DLGAP1: variants seen among roughly 807,000 people sequenced by gnomAD.
DLGAP1 encodes disks large-associated protein 1.
DLGAP1 carries 11 observed loss-of-function variants against 90.8 expected under a neutral mutation model. The ratio of observed to expected loss-of-function variants is 0.12; its 90% CI spans 0.08 to 0.20. The LOEUF is 0.20. DLGAP1 is among the 10% of genes least tolerant of loss of function. The pLI, the probability that DLGAP1 is intolerant of heterozygous loss-of-function variation, is 1.00. For synonymous variants in DLGAP1, 558 were observed against 540.7 expected (o/e 1.03, Z -0.44); for missense variants, 1,050 against 1,333.8 (o/e 0.79, Z 3.31).
At chr18:4,117,729 G>A (rs2076085593) in intron 2 of DLGAP1, among the ~76,000 whole-genome samples, 1 of 152,134 alleles carries the variant, frequency 6.6e-6, no homozygotes, top group African/African-American at 2.4e-5. Context: ...CCATCACTCT[G>A]GAGAAGGCAC....
chr18:3,941,212 C>T (rs1038930799), intron 3 of DLGAP1, among the ~76,000 whole-genome samples: 38 of 152,182 alleles, frequency 2.5e-4, no homozygotes, highest in African/African-American at 8.7e-4. Flanking sequence ...GGTACAAACA[C>T]TTACCTTTGA....
intron 2 of DLGAP1, among the ~76,000 whole-genome samples, chr18:4,132,370 C>T (rs563542506): frequency 3.4e-4 from 51 of 152,204 alleles, no homozygotes; most frequent in African/African-American, 1.1e-3. Context: ...GGGCATAAAA[C>T]GCTTATTAAT....
At chr18:3,690,011 A>T (rs1335320343) in intron 7 of DLGAP1, among the ~76,000 whole-genome samples, 14 of 144,618 alleles carry the variant, frequency 9.7e-5, no homozygotes, top group East Asian at 2.0e-4. Flanking sequence ...CTTGATTCCC[A>T]TTTTTTTTTT....
At chr18:4,115,477 CCTTTCTTT>C (rs71368730) in intron 2 of DLGAP1, among the ~76,000 whole-genome samples, 3 of 145,364 alleles carry the variant, frequency 2.1e-5, no homozygotes, top group Non-Finnish European at 4.4e-5. Context: ...TCATTTTCTT[CCTTTCTTT>C]CTTTCTTTCT....
intron 5 of DLGAP1, among the ~76,000 whole-genome samples, chr18:3,766,347 G>C (rs559593553): frequency 6.6e-6 from 1 of 152,202 alleles, no homozygotes; most frequent in African/African-American, 2.4e-5. Flanking sequence ...TGATAGAACT[G>C]AAAGGAGAAA....
At chr18:3,649,312 C>A (rs1190541898) in intron 7 of DLGAP1, among the ~76,000 whole-genome samples, 1 of 152,196 alleles carries the variant, frequency 6.6e-6, no homozygotes, top group African/African-American at 2.4e-5. Flanking sequence ...CTGTGACTTG[C>A]CCCTGGCAGA....
chr18:4,114,581 C>T (rs1365387819), intron 2 of DLGAP1, among the ~76,000 whole-genome samples: 1 of 152,032 alleles, frequency 6.6e-6, no homozygotes, highest in Non-Finnish European at 1.5e-5. Flanking sequence ...TTCTTCTTTT[C>T]CTATTTAGAT....
At chr18:4,361,295 T>C (rs887500148) in intron 1 of DLGAP1, among the ~76,000 whole-genome samples, 1 of 152,142 alleles carries the variant, frequency 6.6e-6, no homozygotes, top group Non-Finnish European at 1.5e-5. Context: ...AAATCCTGAA[T>C]AGCCAAAACA....
At chr18:3,632,305 T>A (rs1599637128) in intron 7 of DLGAP1, among the ~76,000 whole-genome samples, 1 of 141,284 alleles carries the variant, frequency 7.1e-6, no homozygotes, top group East Asian at 2.0e-4. Context: ...TTTTCTTTTC[T>A]TTTTTTTTTT....
chr18:3,651,822 A>T (rs781282205), intron 7 of DLGAP1, among the ~76,000 whole-genome samples: 4 of 151,600 alleles, frequency 2.6e-5, no homozygotes, highest in Non-Finnish European at 4.4e-5. Context: ...TAAATACAAA[A>T]TAGCCGGGCG....
intron 4 of DLGAP1, among the ~76,000 whole-genome samples, chr18:3,865,102 G>T (rs942696810): frequency 4.6e-5 from 7 of 152,130 alleles, no homozygotes. Context: ...ACTTATCTCT[G>T]TAAGTCTGGA....
intron 4 of DLGAP1, among the ~76,000 whole-genome samples, chr18:3,826,607 G>A (rs899040952): frequency 6.6e-6 from 1 of 152,180 alleles, no homozygotes; most frequent in African/African-American, 2.4e-5. Context: ...CCAGGTGAGT[G>A]GAGTGGAGTG....
At chr18:4,051,593 T>C (rs1406999562) in intron 2 of DLGAP1, among the ~76,000 whole-genome samples, 1 of 152,202 alleles carries the variant, frequency 6.6e-6, no homozygotes, top group Non-Finnish European at 1.5e-5. Context: ...CAATTCAAGA[T>C]GAGATTTGGG....
rs564840157 is a variant in DLGAP1, at chr18:4,324,098, A to T, written c.-267+130908T>A. 2.0e-3 allele frequency among the ~76,000 whole-genome samples: 304 copies of T among 152,110 alleles called. 5 individuals are homozygous for T. The East Asian group carries it at 0.029, about 15-fold the overall frequency. Reference sequence around the variant, plus strand: ...ATTCATGAGTTGGTTCTTTGAAAAAAATTAGTAAGATAGACCACTAACTAC... The same window carrying T: ...ATTCATGAGTTGGTTCTTTGAAAAATATTAGTAAGATAGACCACTAACTAC... On this transcript the variant is annotated intron_variant, in intron 1 of 12. Transcript: ENST00000315677.
chr18:4,343,386 C>T (rs977770296), intron 1 of DLGAP1, among the ~76,000 whole-genome samples: 4 of 151,434 alleles, frequency 2.6e-5, no homozygotes, highest in African/African-American at 9.7e-5. Flanking sequence ...GAGTACAAAT[C>T]CAGACAAGTT....
At chr18:3,578,511 C>T (rs1239295341) in intron 8 of DLGAP1, among the ~76,000 whole-genome samples, 4 of 151,998 alleles carry the variant, frequency 2.6e-5, no homozygotes, top group Non-Finnish European at 5.9e-5. Context: ...CGTGTGCCAC[C>T]ACACCCAGCT....
chr18:4,229,642 A>G (rs770224558), intron 1 of DLGAP1, among the ~76,000 whole-genome samples: 3 of 152,042 alleles, frequency 2.0e-5, no homozygotes, highest in Non-Finnish European at 4.4e-5. Context: ...ATGAGTCTAG[A>G]CCCTTGTCTC....
At chr18:3,712,777 T>A (rs1322982372) in intron 7 of DLGAP1, among the ~76,000 whole-genome samples, 1 of 152,194 alleles carries the variant, frequency 6.6e-6, no homozygotes, top group Non-Finnish European at 1.5e-5. Flanking sequence ...AAGTTTTAGT[T>A]AAAGTGCTTA....
chr18:3,823,949 CAAAAAAAAAAA>C (rs60286806), intron 4 of DLGAP1, among the ~76,000 whole-genome samples: 15 of 36,552 alleles, frequency 4.1e-4, no homozygotes, highest in Admixed American at 1.1e-3. Flanking sequence ...GACTCCCTCT[CAAAAAAAAAAA>C]AAAAAAAAAA....
Sources: allele counts gnomAD v4.1 joint callset (sites outside exome capture counted in the v4.1 genomes callset), GRCh38; gene constraint gnomAD v4.1.1; transcripts MANE v1.5; gene names NCBI Gene and HGNC (gene_info 2026-07-23, HGNC 2026-07-21).